ADCY8: variants seen among roughly 807,000 people sequenced by gnomAD.
The protein encoded by ADCY8 is adenylate cyclase 8.
Under a neutral mutation model 119.7 loss-of-function variants are expected in ADCY8, and 51 were observed. The observed-to-expected ratio is 0.43, with a 90% CI of 0.34 to 0.54. The LOEUF (loss-of-function observed/expected upper bound fraction) is 0.54. Ranked by LOEUF, ADCY8 falls within the 20% of genes least tolerant of loss-of-function variation. The pLI is 0.03. For synonymous variants in ADCY8, 665 were observed against 651.0 expected, an observed-to-expected ratio of 1.02 and a Z score of -0.33; for missense variants, 1,383 against 1,598.8, an observed-to-expected ratio of 0.87 and a Z score of 2.30.
At chr8:130,895,748 T>C (rs532864735) in intron 7 of ADCY8, among the ~76,000 whole-genome samples, 16 of 152,254 alleles carry the variant, frequency 1.1e-4, no homozygotes, top group African/African-American at 3.6e-4. Flanking sequence ...AGATGTCTTA[T>C]CTAATAAGCA....
intron 2 of ADCY8, among the ~76,000 whole-genome samples, chr8:130,963,197 G>C (rs1192321634): frequency 6.6e-6 from 1 of 150,764 alleles, no homozygotes; most frequent in Non-Finnish European, 1.5e-5. Flanking sequence ...AAGTGGCTTA[G>C]TCCTTGGCAG....
intron 8 of ADCY8, among the ~76,000 whole-genome samples, chr8:130,869,424 T>C (rs904882725): frequency 6.6e-6 from 1 of 151,646 alleles, no homozygotes; most frequent in African/African-American, 2.4e-5. Context: ...CAAAGAAAGA[T>C]AAATGTTTGA....
intron 9 of ADCY8, among the ~76,000 whole-genome samples, chr8:130,858,399 G>A (rs1817817063): frequency 6.6e-6 from 1 of 152,086 alleles, no homozygotes; most frequent in African/African-American, 2.4e-5. Context: ...GAGGAATACT[G>A]GTGAGGTGTT....
chr8:130,943,497 G>GGGGGCCCC, intron 3 of ADCY8, 35 bp from the exon 4 acceptor site: 1 of 491,356 alleles, frequency 2.0e-6, no homozygotes, highest in Non-Finnish European at 4.2e-6. Flanking sequence ...GTGGGGGGAG[G>GGGGGCCCC]AAGTATATTA....
At chr8:130,788,796 A>G (rs1004964100) in intron 15 of ADCY8, among the ~76,000 whole-genome samples, 1 of 152,284 alleles carries the variant, frequency 6.6e-6, no homozygotes, top group African/African-American at 2.4e-5. Flanking sequence ...GAAATTAAAA[A>G]AATTTGCAAA....
intron 15 of ADCY8, among the ~76,000 whole-genome samples, chr8:130,787,930 C>T (rs569560477): frequency 2.5e-4 from 38 of 152,154 alleles, no homozygotes; most frequent in Admixed American, 1.4e-3. Context: ...CGTTTGTGTT[C>T]GGGGCAGTCA....
chr8:130,786,388 G>A (rs1815249508), intron 15 of ADCY8, among the ~76,000 whole-genome samples: 1 of 152,170 alleles, frequency 6.6e-6, no homozygotes, highest in African/African-American at 2.4e-5. Context: ...AATGGTGGTA[G>A]GCAGAATAAT....
At chr8:130,808,675 G>A (rs1024987826) in intron 14 of ADCY8, among the ~76,000 whole-genome samples, 3 of 152,076 alleles carry the variant, frequency 2.0e-5, no homozygotes, top group Non-Finnish European at 2.9e-5. Flanking sequence ...GCCTGGCACC[G>A]GGCTGCATTG....
intron 12 of ADCY8, among the ~76,000 whole-genome samples, chr8:130,827,460 C>G (rs1417314419): frequency 6.6e-6 from 1 of 152,172 alleles, no homozygotes; most frequent in East Asian, 1.9e-4. Flanking sequence ...AACATCATAC[C>G]TGATCGAACC....
At chr8:130,978,218 G>A (rs1045714245) in intron 2 of ADCY8, among the ~76,000 whole-genome samples, 1 of 152,160 alleles carries the variant, frequency 6.6e-6, no homozygotes, top group Non-Finnish European at 1.5e-5. Flanking sequence ...AAAATGCTTT[G>A]AGCTGTTGGG....
chr8:130,849,517 G>T, intron 10 of ADCY8, 85 bp downstream of exon 10: 1 of 1,383,102 alleles, frequency 7.2e-7, no homozygotes, highest in Non-Finnish European at 1.0e-6. Flanking sequence ...CCAAGGAAGG[G>T]TAATGCAGGA....
chr8:130,836,336 G>A lies in ADCY8; in HGVS notation c.2616C>T (p.Leu872=). The change falls in exon 12 of 18, where the codon CTC becomes CTT. Residue 872 remains leucine (L), a synonymous_variant. Transcript: ENST00000286355. ...LLIMIAIYAL[L]TETVYAGLFL... ...AGAGGCCTGCGTAGACGGTCTCAGT[G>A]AGCAGGGCATAGATGGCAATCATGA... 1 of 1,613,966 alleles carries A rather than the reference G, an allele frequency of 6.2e-7. No homozygotes were observed. Among genetic ancestry groups the A allele is most frequent in the Middle Eastern group, 1.7e-4 (1 of 6,058 alleles).
At chr8:130,819,912 A>G (rs543534461) in intron 13 of ADCY8, among the ~76,000 whole-genome samples, 2 of 152,360 alleles carry the variant, frequency 1.3e-5, no homozygotes, top group Admixed American at 1.3e-4. Context: ...GTTCGTATGC[A>G]GACAGCATCT....
chr8:130,849,068 C>T (rs1393826826), intron 10 of ADCY8, among the ~76,000 whole-genome samples: 45 of 152,070 alleles, frequency 3.0e-4, no homozygotes, highest in Admixed American at 2.9e-3. Context: ...CCATTTCCCC[C>T]ACCCCACTCC....
chr8:130,846,152 T>C (rs1817289494), intron 11 of ADCY8, among the ~76,000 whole-genome samples: 1 of 152,126 alleles, frequency 6.6e-6, no homozygotes. Context: ...ATTCATATGT[T>C]GGAGGGCCTT....
chr8:130,912,801 C>T lies in ADCY8; in HGVS notation c.1482-2935G>A, dbSNP rs1820020379. ...GGGTCATTGTTTTTACTTTAACTCCCAAGTTAAAAAGCATATGGTACTTTA... is the reference window on the plus strand; with the variant it reads ...GGGTCATTGTTTTTACTTTAACTCCTAAGTTAAAAAGCATATGGTACTTTA... On this transcript the variant is annotated intron_variant, in intron 5 of 17. Transcript: ENST00000286355. 2.0e-5 allele frequency among the ~76,000 whole-genome samples: 3 copies of T among 151,908 alleles called. No individual in the cohort carries two copies. The South Asian group carries it at 6.3e-4, about 32-fold the overall frequency.
At chr8:131,007,560 C>A (rs1187859456) in intron 1 of ADCY8, among the ~76,000 whole-genome samples, 3 of 152,158 alleles carry the variant, frequency 2.0e-5, no homozygotes, top group Non-Finnish European at 4.4e-5. Context: ...GACTGAGAAA[C>A]CTCCTAGAGC....
intron 12 of ADCY8, among the ~76,000 whole-genome samples, chr8:130,833,945 A>G (rs1816911373): frequency 6.6e-6 from 1 of 152,314 alleles, no homozygotes; most frequent in African/African-American, 2.4e-5. Flanking sequence ...AATTTTAGTT[A>G]GACAAGAGAA....
chr8:130,970,233 C>T (rs571279859), intron 2 of ADCY8, among the ~76,000 whole-genome samples: 23 of 152,252 alleles, frequency 1.5e-4, no homozygotes, highest in Non-Finnish European at 2.1e-4. Flanking sequence ...GTGGGCAAGC[C>T]GACAAGGCTT....
Sources: allele counts gnomAD v4.1 joint callset (sites outside exome capture counted in the v4.1 genomes callset), GRCh38; gene constraint gnomAD v4.1.1; transcripts MANE v1.5; gene names NCBI Gene and HGNC (gene_info 2026-07-23, HGNC 2026-07-21).